TMEM132D: variants seen among roughly 807,000 people sequenced by gnomAD.
The protein encoded by TMEM132D is transmembrane protein 132D, also known as mature OL transmembrane protein.
A neutral mutation model predicts 62.3 loss-of-function variants in TMEM132D; 21 were observed. The observed-to-expected ratio is 0.34, with a 90% CI of 0.24 to 0.49. The LOEUF (loss-of-function observed/expected upper bound fraction) is 0.49, where lower values mean the gene tolerates loss of function less well. TMEM132D is among the 20% of genes least tolerant of loss of function. TMEM132D has a pLI of 0.99. For missense variants in TMEM132D, 1,346 were observed against 1,402.8 expected (o/e 0.96, Z 0.65); for synonymous variants, 621 against 575.6 (o/e 1.08, Z -1.13).
chr12:129,650,648 T>C (rs1349066292), intron 2 of TMEM132D, among the ~76,000 whole-genome samples: 1 of 152,190 alleles, frequency 6.6e-6, no homozygotes, highest in Non-Finnish European at 1.5e-5. Flanking sequence ...CTTTTGTCAA[T>C]CTAATGGGTG....
chr12:129,614,708 C>T (rs943625306), intron 2 of TMEM132D, among the ~76,000 whole-genome samples: 2 of 152,060 alleles, frequency 1.3e-5, no homozygotes, highest in African/African-American at 4.8e-5. Context: ...CTGTGGAAAA[C>T]GAAGACCCAC....
At chr12:129,808,817 CT>C (rs11404670) in intron 1 of TMEM132D, among the ~76,000 whole-genome samples, 125 of 148,246 alleles carry the variant, frequency 8.4e-4, no homozygotes, top group Non-Finnish European at 1.2e-3. Flanking sequence ...TGAGTGAATA[CT>C]TTTTTTTTTT....
At chr12:129,159,976 T>G (rs1877355924) in intron 5 of TMEM132D, among the ~76,000 whole-genome samples, 1 of 152,018 alleles carries the variant, frequency 6.6e-6, no homozygotes, top group Non-Finnish European at 1.5e-5. Context: ...AGATGCTGCC[T>G]GAGGTAGAAG....
intron 3 of TMEM132D, among the ~76,000 whole-genome samples, chr12:129,355,904 C>A (rs1287011848): frequency 6.6e-6 from 1 of 152,184 alleles, no homozygotes; most frequent in Non-Finnish European, 1.5e-5. Flanking sequence ...GACAGCCCTG[C>A]TCCTGTGCCT....
rs114402427 is a variant in TMEM132D, at chr12:129,249,328, T to C, written c.1300-39665A>G. ...CTTCATGAGCTCCCATCCTCCTTCA[T>C]ATCTAGGCACCTTGCAGTTGCTTAA... is the stretch of plus-strand genomic sequence containing the variant. On this transcript the variant is annotated intron_variant, in intron 4 of 8. Transcript: ENST00000422113. Among the ~76,000 whole-genome samples, 664 of 152,350 alleles carry C rather than the reference T, an allele frequency of 4.4e-3. 7 individuals are homozygous for C. The highest frequency in any genetic ancestry group is 0.015 in the African/African-American group (627 of 41,580).
intron 1 of TMEM132D, among the ~76,000 whole-genome samples, chr12:129,843,214 A>G (rs772699935): frequency 3.0e-4 from 46 of 152,220 alleles, no homozygotes; most frequent in Non-Finnish European, 4.4e-5. Context: ...TCTGATCCAC[A>G]TAAGACTGTT....
At chr12:129,810,266 C>A (rs1565993969) in intron 1 of TMEM132D, among the ~76,000 whole-genome samples, 5 of 151,990 alleles carry the variant, frequency 3.3e-5, no homozygotes. Context: ...TTAAAAAAAT[C>A]ATTATTTTCA....
chr12:129,155,264 T>C lies in TMEM132D; in HGVS notation c.1443+54256A>G, dbSNP rs150298415. On this transcript the variant is annotated intron_variant, in intron 5 of 8. Coordinates refer to ENST00000422113, the MANE Select transcript of TMEM132D (RefSeq NM_133448.3). Reference sequence around the variant, plus strand: ...ACCTGACTTTCCAAGCTTCTCCAGGTTGGTGCGATCTGTACCCATTTTATG... The same window carrying C: ...ACCTGACTTTCCAAGCTTCTCCAGGCTGGTGCGATCTGTACCCATTTTATG... Among the ~76,000 whole-genome samples the C allele has an allele frequency of 5.0e-3, 764 of 152,354 alleles. 7 individuals carry two copies. The highest frequency in any genetic ancestry group is 0.017 in the African/African-American group (688 of 41,582).
In TMEM132D at chr12:129,827,117, T is replaced by A. The variant is rs959599705; in HGVS notation, c.79+76144A>T. Among the ~76,000 whole-genome samples the A allele has an allele frequency of 2.0e-5, 3 of 152,236 alleles. No homozygotes were observed. The highest frequency in any genetic ancestry group is 4.4e-5 in the Non-Finnish European group (3 of 68,030). On this transcript the variant is annotated intron_variant, in intron 1 of 8. Transcript: ENST00000422113. The surrounding 1 kb of genome is among the most constrained non-coding windows in gnomAD (Gnocchi z 9.7). ...GTTCAGAAGGCAATTTAACATCTCA[T>A]AACAATCACTCTTAATAATAGCAAT...
intron 5 of TMEM132D, among the ~76,000 whole-genome samples, chr12:129,183,433 T>C (rs936944124): frequency 6.6e-6 from 1 of 152,204 alleles, no homozygotes; most frequent in Admixed American, 6.5e-5. Context: ...AACTCTGTCT[T>C]GTGGGTAGGA....
intron 5 of TMEM132D, among the ~76,000 whole-genome samples, chr12:129,152,273 G>C (rs557705480): frequency 2.0e-5 from 3 of 152,188 alleles, no homozygotes; most frequent in African/African-American, 7.2e-5. Flanking sequence ...TGGGTAATGG[G>C]GGTGTTGTCA....
intron 1 of TMEM132D, among the ~76,000 whole-genome samples, chr12:129,796,462 A>G (rs1871564890): frequency 6.6e-6 from 1 of 152,184 alleles, no homozygotes; most frequent in South Asian, 2.1e-4. Context: ...GTTCAGGGGT[A>G]CATGTGAAGG....
At chr12:129,583,530 T>C (rs999099645) in intron 2 of TMEM132D, among the ~76,000 whole-genome samples, 4 of 152,232 alleles carry the variant, frequency 2.6e-5, no homozygotes, top group African/African-American at 7.2e-5. Flanking sequence ...TTTGCTTTTG[T>C]AGCTGAAACA....
intron 3 of TMEM132D, among the ~76,000 whole-genome samples, chr12:129,368,467 T>G (rs991686972): frequency 1.3e-5 from 2 of 152,240 alleles, no homozygotes; most frequent in African/African-American, 4.8e-5. Flanking sequence ...ATTTGCATAT[T>G]GGCTTCTTTT....
intron 3 of TMEM132D, among the ~76,000 whole-genome samples, chr12:129,356,196 G>T (rs1311690769): frequency 5.4e-5 from 1 of 18,466 alleles, no homozygotes; most frequent in East Asian, 7.1e-4. Flanking sequence ...TCGCTCTGTC[G>T]CCCAGGCTGG....
In TMEM132D at chr12:129,700,416, T is replaced by C. The variant is rs1881358653; in HGVS notation, c.362A>G (p.Asn121Ser). 5.0e-6 allele frequency: 8 copies of C among 1,614,126 alleles called. No individual in the cohort carries two copies. The highest frequency in any genetic ancestry group is 6.8e-6 in the Non-Finnish European group (8 of 1,180,040). The change falls in exon 2 of 9, where the codon AAC becomes AGC. Residue 121 changes from asparagine to serine, a missense_variant. Physicochemically the swap from Asn to Ser is conservative, Grantham distance 46. Transcript: ENST00000422113. ...MLPSNPFGFT[N>S]KFSLNWKLKA... is the part of the protein sequence containing the mutation. ...TAGTTTCCAGTTAAGAGAAAATTTG[T>C]TGGTGAATCCAAATGGGTTGGAAGG...
At chr12:129,868,883 G>T (rs144095151) in intron 1 of TMEM132D, among the ~76,000 whole-genome samples, 16 of 152,226 alleles carry the variant, frequency 1.1e-4, no homozygotes, top group African/African-American at 3.9e-4. Context: ...AGGGAACAGG[G>T]CAAGAAGACG....
chr12:129,583,923 G>A (rs1340689807), intron 2 of TMEM132D, among the ~76,000 whole-genome samples: 4 of 152,208 alleles, frequency 2.6e-5, no homozygotes, highest in Admixed American at 2.6e-4. Flanking sequence ...GTTGATCAGA[G>A]TATTCTTACA....
chr12:129,835,619 C>CA (rs1031161521), intron 1 of TMEM132D, among the ~76,000 whole-genome samples: 26 of 151,644 alleles, frequency 1.7e-4, no homozygotes, highest in African/African-American at 6.1e-4. Flanking sequence ...AAATCATGCG[C>CA]AAAAAAGACT....
Sources: allele counts gnomAD v4.1 joint callset (sites outside exome capture counted in the v4.1 genomes callset), GRCh38; gene constraint gnomAD v4.1.1; non-coding constraint Gnocchi (gnomAD v3.1); transcripts MANE v1.5; gene names NCBI Gene and HGNC (gene_info 2026-07-23, HGNC 2026-07-21).